Variants in PGD observed in about 807,000 individuals in gnomAD.
The protein encoded by PGD is phosphogluconate dehydrogenase.
In PGD, 21 loss-of-function variants were observed where a neutral mutation model predicts 60.4. That is an observed-to-expected ratio of 0.35 (90% CI 0.25 to 0.50). The LOEUF (loss-of-function observed/expected upper bound fraction) is 0.50. PGD is among the 20% of genes least tolerant of loss of function. The pLI, the probability that PGD is intolerant of heterozygous loss-of-function variation, is 0.98. For synonymous variants in PGD, 230 were observed against 235.9 expected (o/e 0.97, Z 0.23); for missense variants, 477 against 613.1 (o/e 0.78, Z 2.34).
intron 5 of PGD, 42 bp from the exon 6 acceptor site, chr1:10,408,029 C>A: frequency 8.5e-7 from 1 of 1,173,812 alleles, no homozygotes; most frequent in Non-Finnish European, 1.3e-6. Context: ...GCTCTCAGCC[C>A]GTCTCTTCTC....
In PGD at chr1:10,420,389, CTTTTTTTTTT is replaced by C. The variant is rs70997229; in HGVS notation, c.*655_*664del. ...CACTGTAACGTGCTTTTTCTTTCGT[CTTTTTTTTTT>C]TTTTTTTTTTTTTTGCTCCTGGCAA... On this transcript the variant is annotated 3_prime_UTR_variant, in exon 13 of 13. Coordinates refer to ENST00000270776, the MANE Select transcript of PGD (RefSeq NM_002631.4). Among the ~76,000 whole-genome samples the C allele has an allele frequency of 3.7e-4, 28 of 75,060 alleles. No individual in the cohort carries two copies. Among genetic ancestry groups the C allele is most frequent in the African/African-American group, 8.5e-4 (16 of 18,840 alleles). 49.2% of individuals were successfully genotyped at this position (75,060 alleles called of 152,430 possible).
chr1:10,399,884 A>T (rs1047906704), intron 2 of PGD, 180 bp downstream of exon 2: 1 of 621,730 alleles, frequency 1.6e-6, no homozygotes, highest in African/African-American at 1.8e-5. Flanking sequence ...GCCGATCCCG[A>T]ACTTAGTCCT....
chr1:10,413,319 A>G (rs1377439720), intron 8 of PGD, 68 bp downstream of exon 8: 1 of 1,377,822 alleles, frequency 7.3e-7, no homozygotes, highest in Admixed American at 1.8e-5. Flanking sequence ...GAGGACAGAT[A>G]CAGACTGGTC....
intron 2 of PGD, chr1:10,400,011 G>A: frequency 2.1e-6 from 1 of 477,718 alleles, no homozygotes; most frequent in Non-Finnish European, 3.8e-6. Flanking sequence ...GCTCTAACTT[G>A]ATTGCCTGAT....
intron 5 of PGD, among the ~76,000 whole-genome samples, chr1:10,405,719 C>T (rs1462364679): frequency 6.6e-6 from 1 of 151,772 alleles, no homozygotes; most frequent in Admixed American, 6.5e-5. Context: ...ACCTCTAATC[C>T]CAGCTACATG....
intron 6 of PGD, among the ~76,000 whole-genome samples, chr1:10,410,300 A>C (rs573071017): frequency 6.6e-6 from 1 of 151,992 alleles, no homozygotes; most frequent in Non-Finnish European, 1.5e-5. Context: ...AAATTAGCTG[A>C]GTGTGGCGGT....
Position 10,419,470 on chromosome 1 carries a change from C to T in PGD, c.1263C>T (p.Pro421=). The T allele has an allele frequency of 1.2e-6, 2 of 1,614,150 alleles. No individual in the cohort carries two copies. The highest frequency in any genetic ancestry group is 2.2e-5 in the South Asian group (2 of 91,074). The change falls in exon 12 of 13, where the codon CCC becomes CCT. Residue 421 remains proline, a synonymous_variant. Transcript: ENST00000270776. ...STGVQAGIPM[P]CFTTALSFYD... ...GGGTCCAGGCTGGCATTCCCATGCC[C>T]TGTTTTACCACTGCCCTCTCCTTCT...
At position 10,413,198 on chromosome 1, in the gene PGD, G is replaced by A. The variant is rs780237087; in HGVS notation, c.791G>A (p.Gly264Glu). The A allele has an allele frequency of 2.5e-6, 4 of 1,614,064 alleles. No homozygotes were observed. The African/African-American group carries it at 4.0e-5, about 16-fold the overall frequency. The change falls in exon 8 of 13, where the codon GGG becomes GAG. Residue 264 changes from glycine (G) to glutamate (E), a missense_variant. Around this residue, in one of 3 missense-constraint regions of PGD, gnomAD observed 431 missense variants for 556.6 expected, o/e 0.77. Coordinates refer to ENST00000270776, the MANE Select transcript of PGD (RefSeq NM_002631.4). ...IRDSAGQKGTGKWTAISALEY... is the reference protein window; with the variant it reads ...IRDSAGQKGTEKWTAISALEY... ...GACAGCGCGGGGCAGAAGGGCACAG[G>A]GAAGTGGACCGCCATCTCCGCCCTG...
chr1:10,399,529 A>G, intron 1 of PGD, 100 bp from the exon 2 acceptor site: 1 of 1,072,490 alleles, frequency 9.3e-7, no homozygotes, highest in Admixed American at 1.8e-5. Context: ...AGGAAAGTGC[A>G]GACTCCCAGT....
At chr1:10,411,818 C>A (rs1292463113) in intron 7 of PGD, among the ~76,000 whole-genome samples, 1 of 152,216 alleles carries the variant, frequency 6.6e-6, no homozygotes, top group African/African-American at 2.4e-5. Context: ...ACTCCACATA[C>A]CTGTCCCATT....
intron 5 of PGD, 63 bp downstream of exon 5, chr1:10,404,342 G>A: frequency 1.9e-6 from 2 of 1,040,070 alleles, no homozygotes. Context: ...GAACGAATAA[G>A]CCAGGAGCAG....
chr1:10,411,786 A>G (rs1314175593), intron 7 of PGD, among the ~76,000 whole-genome samples: 1 of 152,222 alleles, frequency 6.6e-6, no homozygotes, highest in Non-Finnish European at 1.5e-5. Flanking sequence ...AGCGTAGCTT[A>G]CCTGGTGTCA....
At chr1:10,417,334 C>G (rs1484345541) in intron 9 of PGD, 42 bp from the exon 10 acceptor site, 1 of 1,573,530 alleles carries the variant, frequency 6.4e-7, no homozygotes, top group South Asian at 1.2e-5. Context: ...GGCGGTCACT[C>G]TCCTAATGGC....
Position 10,399,097 on chromosome 1 carries a change from G to T in PGD, c.-21G>T, listed in dbSNP as rs376948316. On this transcript the variant is annotated 5_prime_UTR_variant, in exon 1 of 13. Coordinates refer to ENST00000270776, the MANE Select transcript of PGD (RefSeq NM_002631.4). ...CGTCCTCCGCGCGTCGCCGCTCTTC[G>T]GTTCTGCTCTGTCCGCCGCCATGGC... 5.0e-6 allele frequency: 8 copies of T among 1,609,418 alleles called. No individual in the cohort carries two copies. In the African/African-American group the frequency reaches 6.7e-5, roughly 13 times the overall value.
intron 3 of PGD, among the ~76,000 whole-genome samples, chr1:10,402,651 T>A (rs554642753): frequency 1.3e-5 from 2 of 151,552 alleles, no homozygotes; most frequent in African/African-American, 4.8e-5. Context: ...GCCTCCCGAG[T>A]AGCTGGGACT....
chr1:10,413,099 T>A lies in PGD; in HGVS notation c.692T>A (p.Phe231Tyr). The A allele has an allele frequency of 6.2e-7, 1 of 1,614,134 alleles. No homozygotes were observed. Among genetic ancestry groups the A allele is most frequent in the Non-Finnish European group, 8.5e-7 (1 of 1,179,988 alleles). ...TGGAATAAGACAGAGCTAGACTCAT[T>A]CCTGATTGAAATCACAGCCAATATT... The part of the protein sequence containing the change: ...EDWNKTELDS[F>Y]LIEITANILK... Residue 231 changes from phenylalanine (F) to tyrosine (Y), a missense_variant, in exon 8 of 13, where the codon TTC becomes TAC. Around this residue, in one of 3 missense-constraint regions of PGD, gnomAD observed 431 missense variants for 556.6 expected, o/e 0.77. Coordinates refer to ENST00000270776, the MANE Select transcript of PGD (RefSeq NM_002631.4).
rs186254371 is a variant in PGD at position 10,411,909 on chromosome 1, A to T, written c.654+357A>T. 3.3e-5 allele frequency among the ~76,000 whole-genome samples: 5 copies of T among 152,336 alleles called. No individual in the cohort carries two copies. The East Asian group carries it at 9.6e-4, about 29-fold the overall frequency. ...AGTTGGGATTGGCTTTTTGATAGTT[A>T]ATCTGAAAAGTCAGTCCAAGTAGGG... is the stretch of plus-strand genomic sequence containing the variant. On this transcript the variant is annotated intron_variant, in intron 7 of 12. Transcript: ENST00000270776.
At chr1:10,410,791 G>T (rs1400228780) in intron 6 of PGD, among the ~76,000 whole-genome samples, 1 of 151,842 alleles carries the variant, frequency 6.6e-6, no homozygotes, top group African/African-American at 2.4e-5. Flanking sequence ...TCATTAACGG[G>T]TATTCTGATT....
chr1:10,399,320 C>G (rs1029336257), intron 1 of PGD, among the ~76,000 whole-genome samples, 195 bp downstream of exon 1: 3 of 152,198 alleles, frequency 2.0e-5, no homozygotes, highest in Non-Finnish European at 4.4e-5. Context: ...CCTGCCCTCT[C>G]GGCCGCGCAG....
Sources: gnomAD v4.1 joint callset for allele counts (sites outside exome capture counted in the v4.1 genomes callset) on GRCh38, gnomAD v4.1.1 for gene constraint, gnomAD v4.1.1 regional missense constraint, MANE v1.5 for transcripts, NCBI Gene and HGNC (gene_info 2026-07-23, HGNC 2026-07-21) for gene names.